GALNT13: variants seen among roughly 807,000 people sequenced by gnomAD.
GALNT13 encodes the protein polypeptide N-acetylgalactosaminyltransferase 13, also known as UDP-GalNAc:polypeptide N-acetylgalactosaminyltransferase 13.
A neutral mutation model predicts 64.2 loss-of-function variants in GALNT13; 28 were observed. The ratio of observed to expected loss-of-function variants is 0.44; its 90% CI spans 0.32 to 0.60. The LOEUF (loss-of-function observed/expected upper bound fraction) is 0.60. GALNT13 is among the 20% of genes least tolerant of loss of function. GALNT13 has a pLI of 0.05. For missense variants in GALNT13, 577 were observed against 669.8 expected (o/e 0.86, Z 1.53); for synonymous variants, 214 against 224.6 (o/e 0.95, Z 0.42).
At chr2:153,270,804 A>C in the GALNT13 span, among the ~76,000 whole-genome samples, 1 of 152,148 alleles carries the variant, frequency 6.6e-6, no homozygotes, top group Non-Finnish European at 1.5e-5. Flanking sequence ...ATGAACTGAG[A>C]TGGTGCCACT....
chr2:153,698,848 C>T, the GALNT13 span, among the ~76,000 whole-genome samples: 1 of 152,182 alleles, frequency 6.6e-6, no homozygotes, highest in African/African-American at 2.4e-5. Context: ...TAAAACATTC[C>T]TCAGCAAATG....
the GALNT13 span, among the ~76,000 whole-genome samples, chr2:153,346,048 C>T: frequency 6.6e-6 from 1 of 151,992 alleles, no homozygotes; most frequent in African/African-American, 2.4e-5. Flanking sequence ...GATCTCGGCT[C>T]ACTGCAACCT....
the GALNT13 span, among the ~76,000 whole-genome samples, chr2:153,725,981 G>T: frequency 2.4e-4 from 36 of 152,070 alleles, no homozygotes; most frequent in Non-Finnish European, 5.0e-4. Context: ...CCATAGAGTA[G>T]CTCTTTCTTC....
At chr2:153,430,352 C>A in the GALNT13 span, among the ~76,000 whole-genome samples, 3 of 151,764 alleles carry the variant, frequency 2.0e-5, no homozygotes, top group Admixed American at 6.6e-5. Context: ...ATACCATCTG[C>A]TGTTGTAGCA....
the GALNT13 span, among the ~76,000 whole-genome samples, chr2:153,258,313 G>C: frequency 0.83 from 126,402 of 152,098 alleles, 53,781 homozygotes; most frequent in African/African-American, 0.93. Flanking sequence ...CTTAAAAACT[G>C]TGATCCACAA....
intron 3 of GALNT13, among the ~76,000 whole-genome samples, chr2:154,039,465 T>C (rs1456123557): frequency 7.1e-6 from 1 of 140,498 alleles, no homozygotes; most frequent in Non-Finnish European, 1.6e-5. Flanking sequence ...TGCAGCTACA[T>C]GAGTGAACCT....
the GALNT13 span, among the ~76,000 whole-genome samples, chr2:153,653,442 A>G: frequency 3.0e-4 from 46 of 152,328 alleles, no homozygotes; most frequent in Non-Finnish European, 4.4e-4. Context: ...AAAATTATTT[A>G]GTTGTTCTAA....
intron 7 of GALNT13, among the ~76,000 whole-genome samples, chr2:154,251,834 A>G (rs1690085847): frequency 6.6e-6 from 1 of 152,192 alleles, no homozygotes. Context: ...TGCATAGAAT[A>G]AGGAAGAAAG....
chr2:153,702,165 A>G, the GALNT13 span, among the ~76,000 whole-genome samples: 1 of 152,208 alleles, frequency 6.6e-6, no homozygotes, highest in South Asian at 2.1e-4. Flanking sequence ...AAGGAATGAG[A>G]TCATGTTCTT....
At chr2:154,348,502 C>A (rs1357302918) in intron 9 of GALNT13, among the ~76,000 whole-genome samples, 1 of 152,060 alleles carries the variant, frequency 6.6e-6, no homozygotes, top group Non-Finnish European at 1.5e-5. Flanking sequence ...CACACAGTCA[C>A]AGGTTTCCTG....
In GALNT13 at chr2:154,186,082, T is replaced by G. The variant is rs552652456; in HGVS notation, c.311+45577T>G. On this transcript the variant is annotated intron_variant, in intron 4 of 12. Transcript: ENST00000392825. ...AGAGAATTTTTTTTACACATTGTAA[T>G]GCTTTCAAGCTCAAGGTGAATGATA... is the stretch of plus-strand genomic sequence containing the variant. Among the ~76,000 whole-genome samples, 10 of 152,214 alleles carry G rather than the reference T, an allele frequency of 6.6e-5. No individual in the cohort carries two copies. The South Asian group carries it at 1.9e-3, about 28-fold the overall frequency.
chr2:153,466,887 A>T, the GALNT13 span, among the ~76,000 whole-genome samples: 2 of 151,974 alleles, frequency 1.3e-5, no homozygotes, highest in African/African-American at 2.4e-5. Context: ...TTCCTCAGCA[A>T]TGGGAATGGA....
the GALNT13 span, among the ~76,000 whole-genome samples, chr2:153,434,163 C>A: frequency 6.6e-6 from 1 of 152,236 alleles, no homozygotes; most frequent in East Asian, 1.9e-4. Context: ...ATAAACTCAT[C>A]ATTTTTTATG....
the GALNT13 span, among the ~76,000 whole-genome samples, chr2:153,465,921 C>T: frequency 1.3e-5 from 2 of 152,048 alleles, no homozygotes; most frequent in African/African-American, 4.8e-5. Context: ...CCAAAATCTC[C>T]TAACTCAGGG....
the GALNT13 span, among the ~76,000 whole-genome samples, chr2:153,424,946 T>C: frequency 6.6e-6 from 1 of 151,840 alleles, no homozygotes; most frequent in Non-Finnish European, 1.5e-5. Flanking sequence ...GAATGAATCA[T>C]GTCTACCTAC....
chr2:154,104,669 G>A (rs1702518865), intron 3 of GALNT13, among the ~76,000 whole-genome samples: 1 of 152,206 alleles, frequency 6.6e-6, no homozygotes, highest in Non-Finnish European at 1.5e-5. Context: ...ATTTTCCATA[G>A]GAATGGCACA....
At chr2:154,321,812 A>T (rs1206179285) in intron 9 of GALNT13, among the ~76,000 whole-genome samples, 1 of 152,152 alleles carries the variant, frequency 6.6e-6, no homozygotes, top group East Asian at 1.9e-4. Context: ...AAAAGCCATT[A>T]TTTAAAATGT....
At chr2:154,425,367 T>C (rs1229956277) in intron 11 of GALNT13, among the ~76,000 whole-genome samples, 1 of 152,146 alleles carries the variant, frequency 6.6e-6, no homozygotes, top group Non-Finnish European at 1.5e-5. Context: ...ATGTGAATGA[T>C]ATATTTATTG....
chr2:154,415,398 TATA>T (rs1475699226), intron 11 of GALNT13, among the ~76,000 whole-genome samples: 3 of 152,164 alleles, frequency 2.0e-5, no homozygotes, highest in Non-Finnish European at 4.4e-5. Flanking sequence ...TGAATGCATT[TATA>T]ATGTTTCTTT....
Sources: gnomAD v4.1 joint callset for allele counts (sites outside exome capture counted in the v4.1 genomes callset) on GRCh38, gnomAD v4.1.1 for gene constraint, MANE v1.5 for transcripts, NCBI Gene and HGNC (gene_info 2026-07-23, HGNC 2026-07-21) for gene names.